Variants in TMCO5A observed in about 807,000 individuals in gnomAD.
TMCO5A encodes transmembrane and coiled-coil domain-containing protein 5A.
Under a neutral mutation model 42.3 loss-of-function variants are expected in TMCO5A, and 34 were observed. The observed-to-expected ratio is 0.80, with a 90% CI of 0.61 to 1.07. The LOEUF (loss-of-function observed/expected upper bound fraction) is 1.07. Ranked by LOEUF, TMCO5A falls within the 50% of genes least tolerant of loss-of-function variation. The probability of loss-of-function intolerance (pLI) is 0.00; values close to 1 mark genes in which losing one functional copy is unlikely to be tolerated. For synonymous variants in TMCO5A, 131 were observed against 115.6 expected (o/e 1.13, Z -0.86); for missense variants, 357 against 327.9 (o/e 1.09, Z -0.69).
chr15:37,955,244 G>A (rs1316591630), downstream of TMCO5A, among the ~76,000 whole-genome samples: 7 of 80,816 alleles, frequency 8.7e-5, no homozygotes, highest in Admixed American at 7.0e-4. Flanking sequence ...AGACAAAATA[G>A]ATTTAAAGAG....
chr15:38,037,978 A>T, the TMCO5A span, among the ~76,000 whole-genome samples: 1 of 151,328 alleles, frequency 6.6e-6, no homozygotes. Context: ...ACGCCATCAC[A>T]CTCCACCCTG....
chr15:37,959,808 G>A (rs1036483961), intron 11 of TMCO5A, among the ~76,000 whole-genome samples: 3 of 151,884 alleles, frequency 2.0e-5, no homozygotes, highest in African/African-American at 7.3e-5. Flanking sequence ...ATTCAGTATA[G>A]TACTGGACAT....
chr15:37,970,959 G>A (rs1294120776), downstream of TMCO5A, among the ~76,000 whole-genome samples: 2 of 152,188 alleles, frequency 1.3e-5, no homozygotes, highest in Non-Finnish European at 2.9e-5. Flanking sequence ...GGCTTTTCCA[G>A]GCACCTTGTG....
At chr15:38,016,805 T>G in the TMCO5A span, among the ~76,000 whole-genome samples, 1 of 152,166 alleles carries the variant, frequency 6.6e-6, no homozygotes, top group Non-Finnish European at 1.5e-5. Flanking sequence ...TGTCAAAAAG[T>G]TTATCTGGGT....
chr15:37,945,000 A>G (rs879556005), intron 10 of TMCO5A, among the ~76,000 whole-genome samples: 2 of 152,040 alleles, frequency 1.3e-5, no homozygotes, highest in Non-Finnish European at 2.9e-5. Context: ...TCTACTAGCT[A>G]TTCTTCCTAA....
chr15:38,039,465 C>T, the TMCO5A span, among the ~76,000 whole-genome samples: 14 of 152,168 alleles, frequency 9.2e-5, no homozygotes, highest in African/African-American at 3.4e-4. Flanking sequence ...CATAAGTTAT[C>T]GTTCCTCTTG....
the TMCO5A span, among the ~76,000 whole-genome samples, chr15:37,986,523 C>G: frequency 1.3e-5 from 2 of 151,722 alleles, no homozygotes; most frequent in African/African-American, 4.8e-5. Flanking sequence ...TACATTCACA[C>G]TTTTGTGTAA....
At chr15:37,980,422 G>A in the TMCO5A span, among the ~76,000 whole-genome samples, 1 of 152,106 alleles carries the variant, frequency 6.6e-6, no homozygotes, top group Non-Finnish European at 1.5e-5. Context: ...CCCGGCAGTG[G>A]GGAGCCTCTC....
At chr15:37,960,146 T>A (rs942966110) in intron 11 of TMCO5A, among the ~76,000 whole-genome samples, 10 of 151,816 alleles carry the variant, frequency 6.6e-5, no homozygotes, top group African/African-American at 2.4e-4. Flanking sequence ...CAGTCTTTTT[T>A]AAAATATTTT....
the TMCO5A span, among the ~76,000 whole-genome samples, chr15:38,037,750 C>T: frequency 6.6e-6 from 1 of 152,174 alleles, no homozygotes. Flanking sequence ...CACGGTGGCT[C>T]ACGCCTGTAA....
intron 6 of TMCO5A, among the ~76,000 whole-genome samples, chr15:37,940,329 C>T (rs1322558511): frequency 1.3e-5 from 2 of 152,156 alleles, no homozygotes; most frequent in African/African-American, 2.4e-5. Context: ...TTCCCTTATG[C>T]TCTGGCCACA....
intron 7 of TMCO5A, 64 bp downstream of exon 7, chr15:37,941,269 A>G: frequency 4.7e-6 from 7 of 1,496,340 alleles, no homozygotes; most frequent in Non-Finnish European, 6.5e-6. Context: ...TGGTCAGGCA[A>G]TCTATTTCTC....
chr15:37,963,797 T>G (rs148460599), intron 11 of TMCO5A, among the ~76,000 whole-genome samples: 129 of 152,322 alleles, frequency 8.5e-4, no homozygotes, highest in Non-Finnish European at 1.6e-3. Flanking sequence ...CTTTCGCCAT[T>G]ATACAATGTC....
At chr15:37,960,745 A>G (rs527311131) in intron 11 of TMCO5A, among the ~76,000 whole-genome samples, 5 of 151,702 alleles carry the variant, frequency 3.3e-5, no homozygotes, top group African/African-American at 1.2e-4. Context: ...AGGTGGTATC[A>G]CATTGTGGTT....
chr15:37,971,708 C>G (rs189056239), downstream of TMCO5A, among the ~76,000 whole-genome samples: 4 of 152,292 alleles, frequency 2.6e-5, no homozygotes, highest in Admixed American at 1.3e-4. Flanking sequence ...CCTAAATCAT[C>G]TCTCTCAACT....
the TMCO5A span, among the ~76,000 whole-genome samples, chr15:38,014,726 C>T: frequency 0.044 from 6,596 of 151,560 alleles, 487 homozygotes; most frequent in African/African-American, 0.15. Flanking sequence ...TCTCCTTCTG[C>T]CTCTCAGTAT....
At chr15:37,935,673 G>A (rs892997614) in intron 2 of TMCO5A, among the ~76,000 whole-genome samples, 3 of 152,102 alleles carry the variant, frequency 2.0e-5, no homozygotes, top group Non-Finnish European at 2.9e-5. Context: ...ATACTCTAGA[G>A]TTACCATTAT....
chr15:37,991,684 T>C, the TMCO5A span, among the ~76,000 whole-genome samples: 2 of 152,092 alleles, frequency 1.3e-5, no homozygotes, highest in African/African-American at 4.8e-5. Context: ...CTCAAATCTG[T>C]TTTTGAATCC....
chr15:37,951,628 T>A (rs964210377), downstream of TMCO5A: 1 of 159,422 alleles, frequency 6.3e-6, no homozygotes, highest in Non-Finnish European at 1.4e-5. Context: ...TAGCTTAAGA[T>A]AATTTATAGC....
Sources: gnomAD v4.1 joint callset for allele counts (sites outside exome capture counted in the v4.1 genomes callset) on GRCh38, gnomAD v4.1.1 for gene constraint, MANE v1.5 for transcripts, NCBI Gene and HGNC (gene_info 2026-07-23, HGNC 2026-07-21) for gene names.